The following LMNA variants were observed in gnomAD, a reference collection of about 807,000 sequenced individuals.
The protein encoded by LMNA is lamin A/C, also known as lamin.
Under a neutral mutation model 70.4 loss-of-function variants are expected in LMNA, and 20 were observed. That is an observed-to-expected ratio of 0.28 (90% confidence interval 0.20 to 0.41). The LOEUF (loss-of-function observed/expected upper bound fraction) is 0.41, where lower values mean the gene tolerates loss of function less well. Ranked by LOEUF, LMNA falls within the 10% of genes least tolerant of loss-of-function variation. LMNA has a pLI of 1.00. For synonymous variants in LMNA, 339 were observed against 372.8 expected, an observed-to-expected ratio of 0.91 and a Z score of 1.04; for missense variants, 652 against 917.2, an observed-to-expected ratio of 0.71 and a Z score of 3.73.
intron 2 of LMNA, among the ~76,000 whole-genome samples, chr1:156,083,798 A>AAAAC (rs139193635): frequency 6.6e-6 from 1 of 152,120 alleles, no homozygotes; most frequent in Non-Finnish European, 1.5e-5. Flanking sequence ...AAACAAAAAC[A>AAAAC]AAACAAACAA....
intron 1 of LMNA, among the ~76,000 whole-genome samples, chr1:156,124,010 C>A (rs1376115897): frequency 6.6e-6 from 1 of 152,222 alleles, no homozygotes; most frequent in African/African-American, 2.4e-5. Context: ...TAGGGAAGGA[C>A]AGCTGGGAGC....
rs1191893996 is a variant in LMNA, at chr1:156,134,320, C to T, written c.514-83C>T. ...GTTTCCACATGTGTGAAGGGGTGCA[C>T]AGGCAGCAGCCCACCTCTCAGCTTC... On this transcript the variant is annotated intron_variant, in intron 2 of 11. Coordinates refer to ENST00000368300, the MANE Select transcript of LMNA (RefSeq NM_170707.4). The surrounding 1 kb of genome is among the most constrained non-coding windows in gnomAD (Gnocchi z 5.3). 14 of 1,504,184 alleles carry T rather than the reference C, an allele frequency of 9.3e-6. No homozygotes were observed. Among genetic ancestry groups the T allele is most frequent in the African/African-American group, 2.8e-5 (2 of 72,594 alleles). The allele number at this position is 1,504,184 out of a possible 1,614,324, so 93.2% of individuals were successfully genotyped here.
intron 2 of LMNA, among the ~76,000 whole-genome samples, chr1:156,088,564 G>C (rs1648571549): frequency 6.6e-6 from 1 of 152,114 alleles, no homozygotes; most frequent in Non-Finnish European, 1.5e-5. Context: ...CAGCACCTTG[G>C]GGCCAAGGTG....
rs267607547 is a variant in LMNA at position 156,137,664 on chromosome 1, T to C, written c.1619T>C (p.Met540Thr). Residue 540 changes from methionine (M) to threonine (T), a missense_variant, in exon 10 of 12, where the codon ATG (methionine) becomes ACG (threonine). Met to Thr is a moderately conservative substitution (Grantham distance 81). This residue lies in a region of LMNA where 327 missense variants were observed against 387.6 expected (regional missense o/e 0.84). Coordinates refer to ENST00000368300, the MANE Select transcript of LMNA (RefSeq NM_170707.4). This position sits in a 1 kb window ranked among gnomAD's most constrained non-coding sequence, Gnocchi z 4.6. ...LINSTGEEVA[M>T]RKLVRSVTVV... ...CCATGTCCCCACCAGGAAGTGGCCA[T>C]GCGCAAGCTGGTGCGCTCAGTGACT... The C allele has an allele frequency of 6.4e-7, 1 of 1,553,890 alleles. No homozygotes were observed. Among genetic ancestry groups the C allele is most frequent in the South Asian group, 1.2e-5 (1 of 84,146 alleles).
intron 1 of LMNA, among the ~76,000 whole-genome samples, chr1:156,118,706 A>G (rs1031118985): frequency 2.6e-5 from 4 of 152,130 alleles, no homozygotes; most frequent in Admixed American, 6.6e-5. Context: ...TTGGGAGAGG[A>G]AAAAAGGCAT....
rs1366583811 is a variant in LMNA, at chr1:156,139,242, A to AT, written c.*145dup. 694 of 1,436,138 alleles carry AT rather than the reference A, an allele frequency of 4.8e-4. No homozygotes were observed. Among genetic ancestry groups the AT allele is most frequent in the East Asian group, 7.2e-4 (28 of 38,830 alleles). The allele number at this position is 1,436,138 out of a possible 1,614,324, so 89.0% of individuals were successfully genotyped here. On this transcript the variant is annotated 3_prime_UTR_variant, in exon 12 of 12. Coordinates refer to ENST00000368300, the MANE Select transcript of LMNA (RefSeq NM_170707.4). ...TAACCCTTTGGTTTTTTTCTTCTGT[A>AT]TTTTTTTTTCTAAGAGAAGTTATTT...
intron 2 of LMNA, among the ~76,000 whole-genome samples, chr1:156,084,199 TCA>T (rs1648384115): frequency 1.3e-5 from 2 of 152,118 alleles, no homozygotes; most frequent in South Asian, 4.1e-4. Context: ...TGAATTGACT[TCA>T]CAGACTTAGC....
chr1:156,094,829 G>A (rs557261813), intron 3 of LMNA, among the ~76,000 whole-genome samples: 3 of 151,326 alleles, frequency 2.0e-5, no homozygotes, highest in South Asian at 2.1e-4. Context: ...GCATGATCTC[G>A]GCTCACTGCA....
chr1:156,137,510 C>A lies in LMNA; in HGVS notation c.1609-144C>A. On this transcript the variant is annotated intron_variant, in intron 9 of 11. Transcript: ENST00000368300. The surrounding 1 kb of genome is among the most constrained non-coding windows in gnomAD (Gnocchi z 4.6). ...TCTGGGGTGGAAATGAGTTCCTTAG[C>A]TCCATCACCACAGAGGACAGAGTAA... is the stretch of plus-strand genomic sequence containing the variant. 2.3e-6 allele frequency: 2 copies of A among 859,392 alleles called. No homozygotes were observed. The highest frequency in any genetic ancestry group is 1.7e-5 in the African/African-American group (1 of 60,148). The allele number at this position is 859,392 out of a possible 1,614,324, so 53.2% of individuals were successfully genotyped here. A position where few individuals can be genotyped will look rare whatever the true frequency, so the allele number is the denominator to read the frequency against.
chr1:156,139,587 G>C lies in LMNA; in HGVS notation c.*481G>C, dbSNP rs1168820389. The C allele has an allele frequency of 7.1e-7, 1 of 1,406,386 alleles. No individual in the cohort carries two copies. The highest frequency in any genetic ancestry group is 9.2e-7 in the Non-Finnish European group (1 of 1,086,162). 87.1% of individuals were successfully genotyped at this position (1,406,386 alleles called of 1,614,324 possible). On this transcript the variant is annotated 3_prime_UTR_variant, in exon 12 of 12. Coordinates refer to ENST00000368300, the MANE Select transcript of LMNA (RefSeq NM_170707.4). Reference sequence around the variant, plus strand: ...CTCACTGCCAGGCCAGCCTCCGAGAGGGAGAGAGAGAGAGAGAGGACAGCT... The same window carrying C: ...CTCACTGCCAGGCCAGCCTCCGAGACGGAGAGAGAGAGAGAGAGGACAGCT...
intron 2 of LMNA, among the ~76,000 whole-genome samples, chr1:156,087,466 C>T (rs1468697862): frequency 6.6e-6 from 1 of 152,052 alleles, no homozygotes; most frequent in Admixed American, 6.5e-5. Flanking sequence ...TGATCTTGAG[C>T]TCCTGACCTT....
At chr1:156,105,405 A>G (rs1313215057) in intron 3 of LMNA, among the ~76,000 whole-genome samples, 1 of 143,034 alleles carries the variant, frequency 7.0e-6, no homozygotes, top group Non-Finnish European at 1.5e-5. Flanking sequence ...AGCCATCCCT[A>G]CTCTACTTGG....
intron 2 of LMNA, among the ~76,000 whole-genome samples, chr1:156,087,454 G>C (rs1648522950): frequency 6.6e-6 from 1 of 151,988 alleles, no homozygotes; most frequent in South Asian, 2.1e-4. Flanking sequence ...TGTTGCCCAG[G>C]CTGATCTTGA....
chr1:156,137,204 G>A lies in LMNA; in HGVS notation c.1580G>A (p.Arg527His), dbSNP rs57520892. Residue 527 changes from arginine to histidine, a missense_variant, in exon 9 of 12, where the codon CGT (arginine) becomes CAT (histidine). Physicochemically the swap from Arg to His is conservative, Grantham distance 29. Transcript: ENST00000368300. This position sits in a 1 kb window ranked among gnomAD's most constrained non-coding sequence, Gnocchi z 4.6. ...ACCTGGGGCTGCGGGAACAGCCTGC[G>A]TACGGCTCTCATCAACTCCACTGGG... ...QNTWGCGNSL[R>H]TALINSTGEE... is the part of the protein sequence containing the mutation. 2.6e-5 allele frequency: 41 copies of A among 1,598,282 alleles called. No individual in the cohort carries two copies. Among genetic ancestry groups the A allele is most frequent in the Admixed American group, 1.9e-4 (11 of 57,298 alleles).
Position 156,139,870 on chromosome 1 carries a change from A to G in LMNA, c.*764A>G, listed in dbSNP as rs1311312674. Reference sequence around the variant, plus strand: ...GACCCTGGGTGGGCTCTGTGCAGTCACTGGAGGTTGAAGCCAAGTGGGGTG... The same window carrying G: ...GACCCTGGGTGGGCTCTGTGCAGTCGCTGGAGGTTGAAGCCAAGTGGGGTG... On this transcript the variant is annotated 3_prime_UTR_variant, in exon 12 of 12. Transcript: ENST00000368300. The G allele has an allele frequency of 2.7e-6, 4 of 1,473,036 alleles. No individual in the cohort carries two copies. The Admixed American group carries it at 6.7e-5, about 25-fold the overall frequency. 91.2% of individuals were successfully genotyped at this position (1,473,036 alleles called of 1,614,324 possible). A position where few individuals can be genotyped will look rare whatever the true frequency, so the allele number is the denominator to read the frequency against.
Position 156,135,587 on chromosome 1 carries a change from C to A in LMNA, c.936+275C>A. 3.4e-6 allele frequency: 2 copies of A among 592,460 alleles called. No homozygotes were observed. The highest frequency in any genetic ancestry group is 2.0e-5 in the South Asian group (1 of 50,562). The allele number at this position is 592,460 out of a possible 1,614,324, so 36.7% of individuals were successfully genotyped here. ...TCTTAATCTCCCTAACTCAGAGTTG[C>A]CACAGGACTCTGCAATGTGAGGTGT... is the stretch of plus-strand genomic sequence containing the variant. On this transcript the variant is annotated intron_variant, in intron 5 of 11. Transcript: ENST00000368300. The surrounding 1 kb of genome is among the most constrained non-coding windows in gnomAD (Gnocchi z 4.8).
intron 2 of LMNA, among the ~76,000 whole-genome samples, chr1:156,134,000 G>T (rs1429546468): frequency 6.6e-6 from 1 of 151,022 alleles, no homozygotes; most frequent in African/African-American, 2.5e-5. Flanking sequence ...AGAGAAGGGA[G>T]TCCTGTGGCT....
chr1:156,092,635 C>T (rs545116955), intron 3 of LMNA, among the ~76,000 whole-genome samples: 2 of 150,666 alleles, frequency 1.3e-5, no homozygotes, highest in Non-Finnish European at 1.5e-5. Flanking sequence ...GCTGTGATTG[C>T]ACCACTGCAC....
chr1:156,123,902 C>T (rs1443030825), intron 1 of LMNA, among the ~76,000 whole-genome samples: 38 of 152,194 alleles, frequency 2.5e-4, no homozygotes, highest in Admixed American at 2.4e-3. Flanking sequence ...ACTGGAGTTG[C>T]GTCTGAACAT....
Sources: allele counts gnomAD v4.1 joint callset (sites outside exome capture counted in the v4.1 genomes callset), GRCh38; gene constraint gnomAD v4.1.1; regional missense constraint gnomAD v4.1.1; non-coding constraint Gnocchi (gnomAD v3.1); transcripts MANE v1.5; gene names NCBI Gene and HGNC (gene_info 2026-07-23, HGNC 2026-07-21).